The following GNA14 variants were observed in gnomAD, a reference collection of about 807,000 sequenced individuals.
GNA14 encodes G protein subunit alpha 14, also known as guanine nucleotide-binding protein subunit alpha-14.
In GNA14, 50 loss-of-function variants were observed where a neutral mutation model predicts 42.0. The ratio of observed to expected loss-of-function variants is 1.19; its 90% CI spans 0.95 to 1.51. The LOEUF is 1.51. Ranked by LOEUF, GNA14 falls within the 40% of genes most tolerant of loss-of-function variation. The pLI, the probability that GNA14 is intolerant of heterozygous loss-of-function variation, is 0.00. For synonymous variants in GNA14, 173 were observed against 163.1 expected (o/e 1.06, Z -0.46); for missense variants, 473 against 446.2 (o/e 1.06, Z -0.54).
intron 1 of GNA14, among the ~76,000 whole-genome samples, chr9:77,575,753 C>G (rs1020766561): frequency 6.6e-6 from 1 of 152,156 alleles, no homozygotes; most frequent in Non-Finnish European, 1.5e-5. Flanking sequence ...GTCTGAAAAC[C>G]TTTAAAAAGT....
At chr9:77,532,615 T>C (rs530741068) in intron 1 of GNA14, among the ~76,000 whole-genome samples, 19 of 152,054 alleles carry the variant, frequency 1.2e-4, no homozygotes, top group Non-Finnish European at 2.6e-4. Flanking sequence ...AAAAGAAAAA[T>C]CCAAAGGGTA....
chr9:77,571,990 GTGTAAA>G (rs1823067845), intron 1 of GNA14, among the ~76,000 whole-genome samples: 1 of 151,896 alleles, frequency 6.6e-6, no homozygotes, highest in South Asian at 2.1e-4. Context: ...TATTTACATT[GTGTAAA>G]TGTTGGTTTC....
At chr9:77,481,628 T>G (rs1417148369) in intron 2 of GNA14, among the ~76,000 whole-genome samples, 30 of 149,756 alleles carry the variant, frequency 2.0e-4, no homozygotes, top group South Asian at 4.2e-4. Flanking sequence ...CTCATTGATC[T>G]GTCTAATGTT....
chr9:77,490,981 A>C (rs1026225613), intron 2 of GNA14, among the ~76,000 whole-genome samples: 7 of 152,264 alleles, frequency 4.6e-5, no homozygotes, highest in African/African-American at 1.7e-4. Context: ...AAGAGAAAAG[A>C]AGCAAATAAA....
intron 2 of GNA14, among the ~76,000 whole-genome samples, chr9:77,490,703 C>T (rs901453096): frequency 1.3e-5 from 2 of 152,232 alleles, no homozygotes; most frequent in Non-Finnish European, 2.9e-5. Flanking sequence ...CCCACGCCCA[C>T]CCGGAACCCC....
At chr9:77,491,999 G>A (rs1275023978) in intron 2 of GNA14, among the ~76,000 whole-genome samples, 2 of 152,012 alleles carry the variant, frequency 1.3e-5, no homozygotes, top group African/African-American at 2.4e-5. Context: ...ACTGATAACA[G>A]GAAGAACCTC....
chr9:77,535,129 C>T (rs1837578118), intron 1 of GNA14, among the ~76,000 whole-genome samples: 1 of 152,206 alleles, frequency 6.6e-6, no homozygotes, highest in South Asian at 2.1e-4. Flanking sequence ...GGTGCCAGGC[C>T]CTTGGGGGCA....
intron 1 of GNA14, among the ~76,000 whole-genome samples, chr9:77,532,982 C>A (rs1003116000): frequency 5.3e-5 from 8 of 152,152 alleles, no homozygotes; most frequent in African/African-American, 1.9e-4. Flanking sequence ...GGAGGGGTCA[C>A]AGTCCAGAGG....
chr9:77,522,774 C>T (rs1837379182), intron 2 of GNA14, among the ~76,000 whole-genome samples: 1 of 152,078 alleles, frequency 6.6e-6, no homozygotes, highest in Non-Finnish European at 1.5e-5. Flanking sequence ...ACAGGTGATT[C>T]CAATGTGCAA....
intron 2 of GNA14, among the ~76,000 whole-genome samples, chr9:77,479,841 GCTCT>G (rs1453324920): frequency 2.6e-5 from 4 of 151,802 alleles, no homozygotes; most frequent in Non-Finnish European, 5.9e-5. Context: ...TCATGATTTG[GCTCT>G]CTGTTTGTCT....
chr9:77,478,944 T>C (rs1001175086), intron 2 of GNA14, among the ~76,000 whole-genome samples: 4 of 152,184 alleles, frequency 2.6e-5, no homozygotes, highest in African/African-American at 4.8e-5. Context: ...GTCAGATGAG[T>C]AGGTTGAGAA....
At chr9:77,529,692 G>A (rs535825511) in intron 1 of GNA14, among the ~76,000 whole-genome samples, 1 of 152,292 alleles carries the variant, frequency 6.6e-6, no homozygotes, top group African/African-American at 2.4e-5. Flanking sequence ...CCCTGCACAA[G>A]AAAGCACCAT....
chr9:77,450,035 A>G (rs1835879658), intron 2 of GNA14, among the ~76,000 whole-genome samples: 1 of 152,204 alleles, frequency 6.6e-6, no homozygotes, highest in Non-Finnish European at 1.5e-5. Context: ...ACCTGGGCCG[A>G]AGGACATTTG....
intron 1 of GNA14, among the ~76,000 whole-genome samples, chr9:77,532,085 C>T (rs1280270682): frequency 1.3e-5 from 2 of 152,116 alleles, no homozygotes; most frequent in African/African-American, 4.8e-5. Context: ...AGATCCTCCA[C>T]TCTCATTTAA....
At chr9:77,455,088 CTGAAA>C (rs1835976793) in intron 2 of GNA14, among the ~76,000 whole-genome samples, 2 of 152,318 alleles carry the variant, frequency 1.3e-5, no homozygotes, top group Non-Finnish European at 1.5e-5. Flanking sequence ...TCTCACAAGG[CTGAAA>C]TCAAGATGTT....
At chr9:77,498,673 C>T (rs1836916259) in intron 2 of GNA14, among the ~76,000 whole-genome samples, 1 of 152,152 alleles carries the variant, frequency 6.6e-6, no homozygotes, top group Admixed American at 6.5e-5. Flanking sequence ...TGAGAGAACG[C>T]CATCCAATCA....
intron 2 of GNA14, among the ~76,000 whole-genome samples, chr9:77,519,377 C>T (rs1837313583): frequency 1.3e-5 from 2 of 152,062 alleles, no homozygotes; most frequent in Admixed American, 1.3e-4. Context: ...CGCCACTACA[C>T]TCCAGCCTGG....
intron 1 of GNA14, among the ~76,000 whole-genome samples, chr9:77,534,733 C>T (rs557817289): frequency 6.6e-6 from 1 of 152,312 alleles, no homozygotes; most frequent in Non-Finnish European, 1.5e-5. Context: ...CGGATGTGAC[C>T]AGCAGGTTGG....
intron 2 of GNA14, among the ~76,000 whole-genome samples, chr9:77,438,263 T>C (rs1188949762): frequency 3.3e-5 from 5 of 149,596 alleles, no homozygotes; most frequent in African/African-American, 9.9e-5. Flanking sequence ...TTTTCCTACC[T>C]GTTAAGATTT....
Sources: allele counts gnomAD v4.1 joint callset (sites outside exome capture counted in the v4.1 genomes callset), GRCh38; gene constraint gnomAD v4.1.1; transcripts MANE v1.5; gene names NCBI Gene and HGNC (gene_info 2026-07-23, HGNC 2026-07-21).